RTL4: variants seen among roughly 807,000 people sequenced by gnomAD.
The protein encoded by RTL4 is retrotransposon Gag like 4.
A neutral mutation model predicts 5.3 loss-of-function variants in RTL4; 4 were observed. That is an observed-to-expected ratio of 0.75 (90% CI 0.37 to 1.72). The LOEUF (loss-of-function observed/expected upper bound fraction) is 1.72. Among genes scored for constraint, RTL4 ranks in the 40% most tolerant of loss-of-function variants. The pLI is 0.04. For missense variants in RTL4, 260 were observed against 227.1 expected (o/e 1.14, Z -0.93); for synonymous variants, 98 against 87.3 (o/e 1.12, Z -0.68).
At chrX:112,222,399 C>T in the RTL4 span, among the ~76,000 whole-genome samples, 2 of 111,307 alleles carry the variant, frequency 1.8e-5, no homozygotes, top group African/African-American at 6.5e-5. Context: ...CACTGGAGCA[C>T]ACTTTTCATA....
At chrX:112,157,750 T>C in the RTL4 span, among the ~76,000 whole-genome samples, 1 of 112,167 alleles carries the variant, frequency 8.9e-6, no homozygotes, top group Admixed American at 9.5e-5. Context: ...ACATCTTCCT[T>C]TGCTGCTTCC....
chrX:112,122,233 T>A, the RTL4 span, among the ~76,000 whole-genome samples: 1 of 111,855 alleles, frequency 8.9e-6, no homozygotes, highest in East Asian at 2.8e-4. Context: ...ATATACATAA[T>A]GGAGTAGTAT....
the RTL4 span, among the ~76,000 whole-genome samples, chrX:112,437,245 A>G: frequency 9.9e-3 from 1,107 of 111,699 alleles, 5 homozygotes; most frequent in Non-Finnish European, 0.014. Context: ...CAACACCAGC[A>G]TATTTTTGAC....
chrX:112,389,536 G>C, the RTL4 span, among the ~76,000 whole-genome samples: 7 of 110,947 alleles, frequency 6.3e-5, no homozygotes, highest in African/African-American at 2.3e-4. Flanking sequence ...TGGGCATTTA[G>C]TTCTATGATT....
the RTL4 span, among the ~76,000 whole-genome samples, chrX:112,243,422 T>G: frequency 9.0e-6 from 1 of 111,570 alleles, no homozygotes; most frequent in Non-Finnish European, 1.9e-5. Flanking sequence ...GGTTTAGCCT[T>G]GGGAGGGTAC....
the RTL4 span, among the ~76,000 whole-genome samples, chrX:112,278,315 C>T: frequency 8.9e-6 from 1 of 111,905 alleles, no homozygotes; most frequent in Non-Finnish European, 1.9e-5. Context: ...AATTTTTGAA[C>T]TTTATATGTT....
At chrX:112,223,163 C>T in the RTL4 span, among the ~76,000 whole-genome samples, 1 of 111,627 alleles carries the variant, frequency 9.0e-6, no homozygotes, top group South Asian at 3.8e-4. Context: ...GTATTCAGCT[C>T]TTGTCACCAT....
the RTL4 span, among the ~76,000 whole-genome samples, chrX:112,441,642 GCA>G: frequency 8.9e-6 from 1 of 111,871 alleles, no homozygotes; most frequent in Non-Finnish European, 1.9e-5. Flanking sequence ...ATAAAGTTAA[GCA>G]CAGACTTACC....
chrX:112,345,870 T>C, the RTL4 span, among the ~76,000 whole-genome samples: 2 of 111,713 alleles, frequency 1.8e-5, no homozygotes, highest in Non-Finnish European at 3.8e-5. Flanking sequence ...GAACCAGGCA[T>C]GATAGTCATT....
At chrX:112,199,774 C>T in the RTL4 span, among the ~76,000 whole-genome samples, 1 of 111,786 alleles carries the variant, frequency 8.9e-6, no homozygotes, top group Non-Finnish European at 1.9e-5. Context: ...ATTACTCAAA[C>T]ATTTTATCAA....
chrX:112,327,053 G>A, the RTL4 span, among the ~76,000 whole-genome samples: 992 of 111,878 alleles, frequency 8.9e-3, 8 homozygotes, highest in Non-Finnish European at 0.013. Context: ...ACAAAGATGG[G>A]GAAAAAACAG....
At chrX:112,436,115 G>T in the RTL4 span, among the ~76,000 whole-genome samples, 1 of 110,878 alleles carries the variant, frequency 9.0e-6, no homozygotes, top group Admixed American at 9.6e-5. Context: ...TACTCAGGAG[G>T]TGGAGGCAGT....
chrX:112,088,376 A>G, the RTL4 span, among the ~76,000 whole-genome samples: 6 of 111,621 alleles, frequency 5.4e-5, no homozygotes, highest in African/African-American at 1.6e-4. Flanking sequence ...GTGTTGTAGC[A>G]TATAATCAGT....
At chrX:112,161,855 T>TTCTTTCTTTCTTTCTC in the RTL4 span, among the ~76,000 whole-genome samples, 1 of 44,976 alleles carries the variant, frequency 2.2e-5, no homozygotes, top group African/African-American at 6.5e-5. Flanking sequence ...CTTTCTTTCT[T>TTCTTTCTTTCTTTCTC]TCTTTCTTTC....
chrX:112,229,826 A>G, the RTL4 span, among the ~76,000 whole-genome samples: 34 of 112,066 alleles, frequency 3.0e-4, no homozygotes, highest in Non-Finnish European at 4.1e-4. Context: ...TATCAGCAGC[A>G]GTGGCTGCAG....
chrX:112,352,234 T>C, the RTL4 span, among the ~76,000 whole-genome samples: 2 of 111,456 alleles, frequency 1.8e-5, no homozygotes, highest in Non-Finnish European at 3.8e-5. Context: ...TGCTGAGAGA[T>C]CTGCTGTTAG....
At chrX:112,231,577 G>A in the RTL4 span, among the ~76,000 whole-genome samples, 147 of 73,462 alleles carry the variant, frequency 2.0e-3, no homozygotes, top group African/African-American at 7.2e-3. Context: ...GTTGTGGGGT[G>A]GGGGGAGGGG....
At chrX:112,151,071 G>A in the RTL4 span, among the ~76,000 whole-genome samples, 2 of 111,784 alleles carry the variant, frequency 1.8e-5, no homozygotes, top group Admixed American at 1.9e-4. Flanking sequence ...AGAAACAGAG[G>A]AGTGGTCACA....
At chrX:112,392,830 G>A in the RTL4 span, among the ~76,000 whole-genome samples, 2 of 111,952 alleles carry the variant, frequency 1.8e-5, no homozygotes, top group Non-Finnish European at 3.8e-5. Context: ...TCTTTAAAAA[G>A]CAATCTGGCC....
Sources: allele counts gnomAD v4.1 joint callset (sites outside exome capture counted in the v4.1 genomes callset), GRCh38; gene constraint gnomAD v4.1.1; transcripts MANE v1.5; gene names NCBI Gene and HGNC (gene_info 2026-07-23, HGNC 2026-07-21).